The following SCHIP1 variants were observed in gnomAD, a reference collection of about 807,000 sequenced individuals.
The protein encoded by SCHIP1 is schwannomin interacting protein 1.
Under a neutral mutation model 29.7 loss-of-function variants are expected in SCHIP1, and 8 were observed. The observed-to-expected ratio is 0.27, with a 90% CI of 0.16 to 0.49. The LOEUF (loss-of-function observed/expected upper bound fraction) is 0.49. Ranked by LOEUF, SCHIP1 falls within the 20% of genes least tolerant of loss-of-function variation. The pLI, the probability that SCHIP1 is intolerant of heterozygous loss-of-function variation, is 0.99. For missense variants in SCHIP1, 193 were observed against 294.6 expected (o/e 0.66, Z 2.52); for synonymous variants, 76 against 94.9 (o/e 0.80, Z 1.16).
chr3:159,701,324 G>A, the SCHIP1 span, among the ~76,000 whole-genome samples: 6 of 152,132 alleles, frequency 3.9e-5, no homozygotes, highest in East Asian at 1.9e-4. Flanking sequence ...GCAAAACTGA[G>A]CACAAAGTAC....
At chr3:159,668,847 G>T in the SCHIP1 span, among the ~76,000 whole-genome samples, 1,776 of 151,972 alleles carry the variant, frequency 0.012, 44 homozygotes, top group African/African-American at 0.041. Flanking sequence ...AAGTGTTATG[G>T]TACTTTTTTC....
intron 1 of SCHIP1, among the ~76,000 whole-genome samples, chr3:159,864,402 C>T (rs9990321): frequency 0.013 from 1,993 of 151,054 alleles, 47 homozygotes; most frequent in African/African-American, 0.045. Flanking sequence ...ACTATGAAAG[C>T]AGTCTTTCAC....
the SCHIP1 span, among the ~76,000 whole-genome samples, chr3:159,413,508 C>T: frequency 6.6e-6 from 1 of 152,144 alleles, no homozygotes; most frequent in Non-Finnish European, 1.5e-5. Flanking sequence ...CTTGAGGGCC[C>T]ATTAAGTGTT....
At chr3:159,397,319 C>T in the SCHIP1 span, among the ~76,000 whole-genome samples, 1 of 152,204 alleles carries the variant, frequency 6.6e-6, no homozygotes, top group Non-Finnish European at 1.5e-5. Context: ...CTTCTCTCAG[C>T]TCGTTAAAGT....
the SCHIP1 span, among the ~76,000 whole-genome samples, chr3:159,834,631 C>T: frequency 6.6e-6 from 1 of 152,144 alleles, no homozygotes; most frequent in Non-Finnish European, 1.5e-5. Flanking sequence ...CATTCCTCAA[C>T]CCCAAAATCT....
At chr3:159,701,367 A>G in the SCHIP1 span, among the ~76,000 whole-genome samples, 5 of 152,176 alleles carry the variant, frequency 3.3e-5, no homozygotes, top group African/African-American at 1.2e-4. Flanking sequence ...CCCTACACGC[A>G]CAACCTTCCC....
the SCHIP1 span, among the ~76,000 whole-genome samples, chr3:159,471,185 A>T: frequency 1.3e-5 from 2 of 152,196 alleles, no homozygotes; most frequent in African/African-American, 4.8e-5. Flanking sequence ...CCTGGAAAGG[A>T]GTTGTTTGCC....
the SCHIP1 span, among the ~76,000 whole-genome samples, chr3:159,328,562 G>A: frequency 6.6e-6 from 1 of 152,118 alleles, no homozygotes; most frequent in Admixed American, 6.5e-5. Context: ...GGTGGAAAAG[G>A]GTGGAAAAAG....
At chr3:159,711,394 A>G in the SCHIP1 span, among the ~76,000 whole-genome samples, 424 of 77,638 alleles carry the variant, frequency 5.5e-3, 19 homozygotes, top group Non-Finnish European at 6.2e-3. Context: ...AAAAAAAAAA[A>G]AAAGAAATTT....
chr3:159,390,357 A>C, the SCHIP1 span, among the ~76,000 whole-genome samples: 1 of 152,062 alleles, frequency 6.6e-6, no homozygotes, highest in Admixed American at 6.6e-5. Context: ...GACAAGAATT[A>C]GATTCTATTT....
chr3:159,449,899 GA>G, the SCHIP1 span, among the ~76,000 whole-genome samples: 1 of 151,088 alleles, frequency 6.6e-6, no homozygotes, highest in East Asian at 1.9e-4. Context: ...GGAAGAAAAA[GA>G]GAAGAAAAAG....
At chr3:159,572,517 G>T in the SCHIP1 span, among the ~76,000 whole-genome samples, 390 of 152,314 alleles carry the variant, frequency 2.6e-3, 3 homozygotes, top group Non-Finnish European at 3.0e-3. Context: ...TACATTTGCT[G>T]AGGAATGCTT....
At chr3:159,427,212 G>A in the SCHIP1 span, among the ~76,000 whole-genome samples, 1 of 151,324 alleles carries the variant, frequency 6.6e-6, no homozygotes, top group African/African-American at 2.4e-5. Context: ...CAATTAGGCA[G>A]GAGAAGGAAA....
At chr3:159,520,104 A>AT in the SCHIP1 span, among the ~76,000 whole-genome samples, 36 of 151,272 alleles carry the variant, frequency 2.4e-4, 1 homozygote, top group South Asian at 3.3e-3. Context: ...AATAAAAAAA[A>AT]AAAAAAAAAA....
At chr3:159,321,584 CTTTAAG>C in the SCHIP1 span, among the ~76,000 whole-genome samples, 1 of 151,776 alleles carries the variant, frequency 6.6e-6, no homozygotes, top group Non-Finnish European at 1.5e-5. Context: ...TATTATTATA[CTTTAAG>C]TTTTAGGGTA....
At chr3:159,382,620 C>G in the SCHIP1 span, among the ~76,000 whole-genome samples, 2 of 151,248 alleles carry the variant, frequency 1.3e-5, no homozygotes, top group Non-Finnish European at 2.9e-5. Context: ...GGGTATATAC[C>G]CAGTAATGGG....
the SCHIP1 span, among the ~76,000 whole-genome samples, chr3:159,381,731 G>A: frequency 6.6e-6 from 1 of 152,106 alleles, no homozygotes; most frequent in Admixed American, 6.6e-5. Context: ...AAGCAGCTGG[G>A]ACTATAGGCA....
At chr3:159,787,378 C>A in the SCHIP1 span, among the ~76,000 whole-genome samples, 1 of 152,204 alleles carries the variant, frequency 6.6e-6, no homozygotes, top group East Asian at 1.9e-4. Context: ...TACATTCATA[C>A]ACACTTGGCT....
At chr3:159,632,245 A>C in the SCHIP1 span, among the ~76,000 whole-genome samples, 1 of 152,158 alleles carries the variant, frequency 6.6e-6, no homozygotes, top group Non-Finnish European at 1.5e-5. Context: ...CCTTCTGCAA[A>C]GCTTTAGCTC....
Sources: allele counts gnomAD v4.1 joint callset (sites outside exome capture counted in the v4.1 genomes callset), GRCh38; gene constraint gnomAD v4.1.1; transcripts MANE v1.5; gene names NCBI Gene and HGNC (gene_info 2026-07-23, HGNC 2026-07-21).